The following CSMD3 variants were observed in gnomAD, a reference collection of about 807,000 sequenced individuals.
CSMD3 encodes the protein CUB and Sushi multiple domains 3.
CSMD3 carries 177 observed loss-of-function variants against 435.2 expected under a neutral mutation model. The ratio of observed to expected loss-of-function variants is 0.41; its 90% CI spans 0.36 to 0.46. The LOEUF is 0.46. Among genes scored for constraint, CSMD3 ranks in the 20% least tolerant of loss-of-function variants. The pLI, the probability that CSMD3 is intolerant of heterozygous loss-of-function variation, is 0.34. For missense variants in CSMD3, 4,265 were observed against 4,504.6 expected (o/e 0.95, Z 1.52); for synonymous variants, 1,656 against 1,520.5 (o/e 1.09, Z -2.07).
chr8:113,376,534 T>C (rs913393536), intron 1 of CSMD3: 1 of 571,402 alleles, frequency 1.8e-6, no homozygotes, highest in African/African-American at 1.9e-5. Context: ...TTCTGTCTTT[T>C]CTGTATTATT....
At chr8:112,774,148 A>C (rs996819226) in intron 13 of CSMD3, among the ~76,000 whole-genome samples, 1 of 152,038 alleles carries the variant, frequency 6.6e-6, no homozygotes, top group Non-Finnish European at 1.5e-5. Flanking sequence ...CTTCTGGTAC[A>C]TGACGACATG....
chr8:112,792,164 G>A (rs2078707335), intron 13 of CSMD3, among the ~76,000 whole-genome samples: 1 of 152,054 alleles, frequency 6.6e-6, no homozygotes, highest in Admixed American at 6.6e-5. Flanking sequence ...GACTTTTGAT[G>A]ATCAAATACT....
At chr8:113,229,173 G>C (rs1227490944) in intron 3 of CSMD3, among the ~76,000 whole-genome samples, 5 of 151,548 alleles carry the variant, frequency 3.3e-5, no homozygotes, top group Non-Finnish European at 7.4e-5. Flanking sequence ...ATTATATTGG[G>C]CATTATAGTT....
intron 46 of CSMD3, 148 bp downstream of exon 46, chr8:112,319,753 T>G (rs181228436): frequency 4.2e-5 from 29 of 686,682 alleles, no homozygotes; most frequent in Non-Finnish European, 7.4e-5. Context: ...TCACTCCTTC[T>G]CCCTTCTTAA....
At chr8:113,334,266 G>A (rs1488244167) in intron 1 of CSMD3, among the ~76,000 whole-genome samples, 2 of 140,358 alleles carry the variant, frequency 1.4e-5, no homozygotes, top group African/African-American at 5.3e-5. Flanking sequence ...CTGCAACTAG[G>A]GATAGTTTAA....
chr8:112,385,348 C>A (rs1033044307), intron 36 of CSMD3, among the ~76,000 whole-genome samples: 4 of 152,122 alleles, frequency 2.6e-5, no homozygotes, highest in Non-Finnish European at 4.4e-5. Flanking sequence ...AGGCACCCTG[C>A]ATGTAGTAAA....
rs544456522 is a variant in CSMD3, at chr8:113,043,626, A to G, written c.918-24447T>C. Among the ~76,000 whole-genome samples, 8 of 152,294 alleles carry G rather than the reference A, an allele frequency of 5.3e-5. No individual in the cohort carries two copies. The South Asian group carries it at 1.7e-3, about 32-fold the overall frequency. ...ATTCTTGAAAAATGTTTTGCTAAATATGTTTCTTTGTAACTTAGATTTCAA... is the reference window on the plus strand; with the variant it reads ...ATTCTTGAAAAATGTTTTGCTAAATGTGTTTCTTTGTAACTTAGATTTCAA... On this transcript the variant is annotated intron_variant, in intron 5 of 70. Coordinates refer to ENST00000297405, the MANE Select transcript of CSMD3 (RefSeq NM_198123.2).
intron 1 of CSMD3, among the ~76,000 whole-genome samples, chr8:113,351,173 G>A (rs984845091): frequency 6.6e-6 from 1 of 152,074 alleles, no homozygotes; most frequent in Non-Finnish European, 1.5e-5. Flanking sequence ...CCAGAAAACT[G>A]AGTGTTTGTT....
intron 2 of CSMD3, chr8:113,311,790 A>G (rs1270297795): frequency 6.6e-6 from 1 of 152,134 alleles, no homozygotes; most frequent in Non-Finnish European, 1.5e-5. Context: ...GTACTTCTTG[A>G]AGCACAAAAA....
intron 1 of CSMD3, among the ~76,000 whole-genome samples, chr8:113,361,238 T>C (rs1255127048): frequency 2.0e-5 from 3 of 152,170 alleles, no homozygotes; most frequent in African/African-American, 4.8e-5. Flanking sequence ...TTAGCACTGA[T>C]GTTACACTTT....
At position 112,770,250 on chromosome 8, in the gene CSMD3, G is replaced by T. The variant is rs551270488; in HGVS notation, c.1972+29912C>A. ...AATTGCCAATGTAATGGTATGAGGA[G>T]GTAGGACCTTTAAAGGGTAAAGGTG... On this transcript the variant is annotated intron_variant, in intron 13 of 70. Transcript: ENST00000297405. Among the ~76,000 whole-genome samples the T allele has an allele frequency of 5.9e-5, 9 of 152,098 alleles. No homozygotes were observed. In the South Asian group the frequency reaches 1.9e-3, roughly 32 times the overall value.
rs1469241061 is a variant in CSMD3, at chr8:113,112,472, C to T, written c.710-13509G>A. 1.2e-3 allele frequency among the ~76,000 whole-genome samples: 45 copies of T among 38,286 alleles called. 1 individual carries two copies. Among genetic ancestry groups the T allele is most frequent in the Middle Eastern group, 0.019 (2 of 104 alleles). 25.1% of individuals were successfully genotyped at this position (38,286 alleles called of 152,430 possible). Reference sequence around the variant, plus strand: ...ATGTATATACACACACACACACACACGTACACACACACACACACACACACA... The same window carrying T: ...ATGTATATACACACACACACACACATGTACACACACACACACACACACACA... On this transcript the variant is annotated intron_variant, in intron 4 of 70. Transcript: ENST00000297405.
At chr8:112,449,362 G>A (rs1815999951) in intron 32 of CSMD3, among the ~76,000 whole-genome samples, 1 of 152,138 alleles carries the variant, frequency 6.6e-6, no homozygotes, top group Admixed American at 6.5e-5. Flanking sequence ...ATGAGATCTA[G>A]CATCAACACC....
Position 112,352,473 on chromosome 8 carries a change from G to A in CSMD3, c.6198C>T (p.Asp2066=), listed in dbSNP as rs946311298. ...ATACTACATCTCCAACCATATATCT[G>A]TCTCCAATTTTAATTCCACTGCTAG... The part of the protein sequence containing the change: ...QTPSSGIKIG[D]RYMVGDVVSF... Residue 2066 remains aspartate, a synonymous_variant, in exon 39 of 71, where the codon GAC becomes GAT. Coordinates refer to ENST00000297405, the MANE Select transcript of CSMD3 (RefSeq NM_198123.2). The A allele has an allele frequency of 6.2e-7, 1 of 1,613,508 alleles. No homozygotes were observed. Among genetic ancestry groups the A allele is most frequent in the Non-Finnish European group, 8.5e-7 (1 of 1,179,762 alleles).
chr8:113,062,701 T>G (rs182766999), intron 5 of CSMD3, among the ~76,000 whole-genome samples: 1 of 151,932 alleles, frequency 6.6e-6, no homozygotes, highest in African/African-American at 2.4e-5. Flanking sequence ...AAATGCTCCC[T>G]TTTGTTTGAC....
At chr8:113,199,150 A>G (rs570798617) in intron 3 of CSMD3, among the ~76,000 whole-genome samples, 73 of 150,826 alleles carry the variant, frequency 4.8e-4, no homozygotes, top group African/African-American at 1.7e-3. Flanking sequence ...AGCACATTGA[A>G]GACGGTTCAT....
intron 4 of CSMD3, among the ~76,000 whole-genome samples, chr8:113,172,300 T>C (rs549946828): frequency 2.2e-3 from 330 of 152,306 alleles, no homozygotes; most frequent in African/African-American, 7.6e-3. Context: ...CAGTTTCCTA[T>C]TATAGTGAAA....
chr8:113,433,135 G>T (rs965515675), intron 1 of CSMD3, among the ~76,000 whole-genome samples: 1 of 152,168 alleles, frequency 6.6e-6, no homozygotes, highest in Non-Finnish European at 1.5e-5. Context: ...CTTTCAGTGG[G>T]TTTCTCAGTC....
chr8:112,288,332 A>G (rs1330466758), intron 57 of CSMD3, among the ~76,000 whole-genome samples: 1 of 152,030 alleles, frequency 6.6e-6, no homozygotes, highest in Non-Finnish European at 1.5e-5. Context: ...TTAATTTACT[A>G]TGAGTCACTC....
Sources: gnomAD v4.1 joint callset for allele counts (sites outside exome capture counted in the v4.1 genomes callset) on GRCh38, gnomAD v4.1.1 for gene constraint, MANE v1.5 for transcripts, NCBI Gene and HGNC (gene_info 2026-07-23, HGNC 2026-07-21) for gene names.